ASCC3: variants seen among roughly 807,000 people sequenced by gnomAD.
The protein encoded by ASCC3 is ASC-1 complex subunit P200.
Under a neutral mutation model 256.3 loss-of-function variants are expected in ASCC3, and 158 were observed. That is an observed-to-expected ratio of 0.62 (90% CI 0.54 to 0.70). The LOEUF is 0.70. Ranked by LOEUF, ASCC3 falls within the 30% of genes least tolerant of loss-of-function variation. The pLI is 0.00. For missense variants in ASCC3, 2,259 were observed against 2,626.0 expected (o/e 0.86, Z 3.05); for synonymous variants, 948 against 883.4 (o/e 1.07, Z -1.30).
chr6:100,758,298 T>C (rs1781278225), intron 10 of ASCC3, among the ~76,000 whole-genome samples: 1 of 152,176 alleles, frequency 6.6e-6, no homozygotes, highest in South Asian at 2.1e-4. Flanking sequence ...TGTGCAGGTT[T>C]GTTACACAGG....
intron 13 of ASCC3, among the ~76,000 whole-genome samples, chr6:100,705,607 G>C (rs1176211534): frequency 6.6e-6 from 1 of 151,864 alleles, no homozygotes; most frequent in Non-Finnish European, 1.5e-5. Flanking sequence ...ACAACTTGAA[G>C]GCAAGAAAAA....
intron 30 of ASCC3, among the ~76,000 whole-genome samples, chr6:100,613,131 C>G (rs1350400257): frequency 1.3e-5 from 2 of 149,560 alleles, no homozygotes; most frequent in African/African-American, 2.5e-5. Flanking sequence ...GGGAGGGGTA[C>G]AAGCAGAATC....
rs772059790 is a variant in ASCC3, at chr6:100,647,465, G to A, written c.3253-14C>T. ...TCTAGCTGCATTCTAAAAAATTATAGGAGGAGATTGGTGGTTATACCCAAT... is the reference window on the plus strand; with the variant it reads ...TCTAGCTGCATTCTAAAAAATTATAAGAGGAGATTGGTGGTTATACCCAAT... On this transcript the variant is annotated splice_polypyrimidine_tract_variant and intron_variant, in intron 20 of 41. Coordinates refer to ENST00000369162, the MANE Select transcript of ASCC3 (RefSeq NM_006828.4). 7.5e-6 allele frequency: 12 copies of A among 1,600,674 alleles called. No homozygotes were observed. Among genetic ancestry groups the A allele is most frequent in the African/African-American group, 1.3e-5 (1 of 74,604 alleles).
rs1332043274 is a variant in ASCC3, at chr6:100,516,259, A to G, written c.5996T>C (p.Leu1999Pro). 1 of 1,613,704 alleles carries G rather than the reference A, an allele frequency of 6.2e-7. No individual in the cohort carries two copies. The highest frequency in any genetic ancestry group is 8.5e-7 in the Non-Finnish European group (1 of 1,179,778). Reference protein sequence around the residue: ...GRTSIESLPELIHACGGKDHV... With the variant: ...GRTSIESLPEPIHACGGKDHV... ...GTCTTTCCCTCCACAGGCATGGATC[A>G]GTTCAGGAAGGGACTCGATGGAGGT... is the stretch of plus-strand genomic sequence containing the variant. Residue 1999 changes from leucine (L) to proline (P), a missense_variant, in exon 39 of 42, where the codon CTG becomes CCG. By Grantham distance (98) the Leu-to-Pro change is moderately conservative (BLOSUM62 -3). This residue lies in a region of ASCC3 where 1,839 missense variants were observed against 2,206.7 expected (regional missense o/e 0.83). Transcript: ENST00000369162.
chr6:100,534,443 T>C (rs1294373768), intron 37 of ASCC3, among the ~76,000 whole-genome samples: 1 of 152,238 alleles, frequency 6.6e-6, no homozygotes, highest in Admixed American at 6.5e-5. Flanking sequence ...AAGCTTTTCT[T>C]TGGCATATCC....
At chr6:100,799,754 A>T (rs1316752264) in intron 6 of ASCC3, among the ~76,000 whole-genome samples, 182 bp from the exon 7 acceptor site, 1 of 152,086 alleles carries the variant, frequency 6.6e-6, no homozygotes, top group Non-Finnish European at 1.5e-5. Context: ...AGGATTCAGT[A>T]CATTTTTAGA....
rs1775620751 is a variant in ASCC3, at chr6:100,650,683, GTATC to G, written c.3103_3106del (p.Asp1035ProfsTer3). The G allele has an allele frequency of 1.2e-6, 2 of 1,611,340 alleles. No individual in the cohort carries two copies. Among genetic ancestry groups the G allele is most frequent in the Non-Finnish European group, 1.7e-6 (2 of 1,178,152 alleles). ...GAGTTCACAAAAATTGCTTAATAAGGTATCTAACTCCTCTATTTCCTCTTCTCTG... is the reference window on the plus strand; with the variant it reads ...GAGTTCACAAAAATTGCTTAATAAGGTAACTCCTCTATTTCCTCTTCTCTG... On this transcript the variant is annotated frameshift_variant, in exon 20 of 42. Coordinates refer to ENST00000369162, the MANE Select transcript of ASCC3 (RefSeq NM_006828.4). LOFTEE classifies it high-confidence loss of function.
At position 100,802,632 on chromosome 6, in the gene ASCC3, CTCA is replaced by C. The variant is rs1363093159; in HGVS notation, c.923-2131_923-2129del. On this transcript the variant is annotated intron_variant, in intron 5 of 41. Transcript: ENST00000369162. ...ATCAACATAATAAACATAAACAAAA[CTCA>C]TCTACAGTTTCCAAAAAATATGTAA... Among the ~76,000 whole-genome samples, 4 of 151,940 alleles carry C rather than the reference CTCA, an allele frequency of 2.6e-5. No homozygotes were observed. The East Asian group carries it at 5.8e-4, about 22-fold the overall frequency.
At chr6:100,710,354 C>T (rs1413266755) in intron 13 of ASCC3, among the ~76,000 whole-genome samples, 1 of 152,122 alleles carries the variant, frequency 6.6e-6, no homozygotes, top group Non-Finnish European at 1.5e-5. Context: ...GAGCAACCAG[C>T]CCCTGGTAAC....
At chr6:100,765,430 C>T (rs887334724) in intron 10 of ASCC3, among the ~76,000 whole-genome samples, 4 of 152,128 alleles carry the variant, frequency 2.6e-5, no homozygotes, top group African/African-American at 7.2e-5. Context: ...ACTATTCTCA[C>T]TGAATAGATC....
chr6:100,777,618 C>G (rs1424315524), intron 8 of ASCC3, among the ~76,000 whole-genome samples: 2 of 152,080 alleles, frequency 1.3e-5, no homozygotes, highest in African/African-American at 4.8e-5. Context: ...GAGAGGTGAT[C>G]TGAGTTGAGA....
rs1300852290 is a variant in ASCC3, at chr6:100,638,910, C to T, written c.3902-89G>A. On this transcript the variant is annotated intron_variant, in intron 24 of 41. Transcript: ENST00000369162. The stretch of plus-strand genomic sequence containing the variant: ...ATTATAAATAATAGATTATAGTAAT[C>T]CTTAGTTCCTTAGACAAGGAGAAAA... The T allele has an allele frequency of 5.5e-6, 6 of 1,086,424 alleles. No homozygotes were observed. The East Asian group carries it at 1.5e-4, about 28-fold the overall frequency. 67.3% of individuals were successfully genotyped at this position (1,086,424 alleles called of 1,614,324 possible). A position where few individuals can be genotyped will look rare whatever the true frequency, so the allele number is the denominator to read the frequency against.
intron 39 of ASCC3, 118 bp from the exon 40 acceptor site, chr6:100,513,036 G>T: frequency 1.1e-6 from 1 of 879,916 alleles, no homozygotes; most frequent in Non-Finnish European, 1.8e-6. Context: ...ATTAATTCTA[G>T]ATCCAATGCA....
chr6:100,713,429 T>A (rs779087676), intron 13 of ASCC3, among the ~76,000 whole-genome samples: 3 of 152,204 alleles, frequency 2.0e-5, no homozygotes, highest in Non-Finnish European at 4.4e-5. Flanking sequence ...AAAAACAGGC[T>A]TAACATAGAG....
At chr6:100,612,596 C>G (rs1366267071) in intron 30 of ASCC3, among the ~76,000 whole-genome samples, 1 of 151,920 alleles carries the variant, frequency 6.6e-6, no homozygotes, top group African/African-American at 2.4e-5. Flanking sequence ...TTAAATCTAT[C>G]ATATCTGGTA....
At chr6:100,530,934 G>C (rs1377875644) in intron 37 of ASCC3, 1 of 1,381,948 alleles carries the variant, frequency 7.2e-7, no homozygotes, top group East Asian at 2.3e-5. Context: ...TTAGACTTCA[G>C]TACAGTGATT....
intron 8 of ASCC3, among the ~76,000 whole-genome samples, chr6:100,796,546 C>T (rs554336009): frequency 6.6e-6 from 1 of 152,170 alleles, no homozygotes; most frequent in African/African-American, 2.4e-5. Flanking sequence ...GAGTCCTAAC[C>T]TGATAGGGCT....
chr6:100,582,418 AT>A (rs1197304397), intron 36 of ASCC3, among the ~76,000 whole-genome samples: 1 of 151,456 alleles, frequency 6.6e-6, no homozygotes, highest in Non-Finnish European at 1.5e-5. Flanking sequence ...AATGCTTGTG[AT>A]TTTTGTACAT....
intron 1 of ASCC3, among the ~76,000 whole-genome samples, chr6:100,875,621 G>T (rs570646276): frequency 6.6e-6 from 1 of 152,156 alleles, no homozygotes; most frequent in African/African-American, 2.4e-5. Context: ...ACCCCTAAAG[G>T]CCTCTTGGAA....
Sources: allele counts gnomAD v4.1 joint callset (sites outside exome capture counted in the v4.1 genomes callset), GRCh38; gene constraint gnomAD v4.1.1; regional missense constraint gnomAD v4.1.1; transcripts MANE v1.5; gene names NCBI Gene and HGNC (gene_info 2026-07-23, HGNC 2026-07-21).